Variants in NTM observed in about 807,000 individuals in gnomAD.
NTM encodes IgLON family member 2.
In NTM, 13 loss-of-function variants were observed where a neutral mutation model predicts 42.1. That is an observed-to-expected ratio of 0.31 (90% CI 0.20 to 0.49). The LOEUF (loss-of-function observed/expected upper bound fraction) is 0.49. Ranked by LOEUF, NTM falls within the 20% of genes least tolerant of loss-of-function variation. The pLI is 0.99. For synonymous variants in NTM, 187 were observed against 179.2 expected (o/e 1.04, Z -0.35); for missense variants, 373 against 452.8 (o/e 0.82, Z 1.60).
chr11:131,908,599 G>A (rs1235384959), intron 1 of NTM, among the ~76,000 whole-genome samples: 2 of 152,190 alleles, frequency 1.3e-5, no homozygotes, highest in Non-Finnish European at 2.9e-5. Context: ...TTAAGAAGAG[G>A]GGTTGAGAGG....
intron 1 of NTM, among the ~76,000 whole-genome samples, chr11:131,432,909 C>T (rs1392114703): frequency 7.9e-6 from 1 of 126,724 alleles, no homozygotes; most frequent in Non-Finnish European, 1.6e-5. Flanking sequence ...GGCTGGAGTG[C>T]GGTGGCGCGA....
intron 7 of NTM, among the ~76,000 whole-genome samples, chr11:132,325,180 T>G (rs1435690630): frequency 6.6e-6 from 1 of 151,966 alleles, no homozygotes; most frequent in Non-Finnish European, 1.5e-5. Flanking sequence ...AGGATCTAAT[T>G]AAACTAAAGA....
chr11:132,239,526 A>G (rs1046890754), intron 4 of NTM, among the ~76,000 whole-genome samples: 3 of 152,204 alleles, frequency 2.0e-5, no homozygotes, highest in African/African-American at 7.2e-5. Context: ...CATCTGCCCA[A>G]GCACCACCAT....
Position 131,789,546 on chromosome 11 carries a change from AAAAGAAGAAGAAGAAG to A in NTM, c.83-122015_83-122000del, listed in dbSNP as rs1565551931. Among the ~76,000 whole-genome samples the A allele has an allele frequency of 8.6e-4, 7 of 8,130 alleles. 2 individuals carry two copies. Among genetic ancestry groups the A allele is most frequent in the Admixed American group, 2.1e-3 (1 of 466 alleles). The allele number at this position is 8,130 out of a possible 152,430, so 5.3% of individuals were successfully genotyped here. The stretch of plus-strand genomic sequence containing the variant: ...GAAGAAGAAGAAGAAGAAGAAGAAG[AAAAGAAGAAGAAGAAG>A]AAGAAGAAGAAGAAGAAGAAGAAGA... On this transcript the variant is annotated intron_variant, in intron 1 of 8. Coordinates refer to ENST00000683400, the MANE Select transcript of NTM (RefSeq NM_001352005.2).
intron 2 of NTM, among the ~76,000 whole-genome samples, chr11:132,055,660 A>C (rs1228272955): frequency 7.9e-6 from 1 of 126,556 alleles, no homozygotes; most frequent in African/African-American, 3.1e-5. Context: ...AGAGAGAGAG[A>C]GAGCGAGAGT....
intron 4 of NTM, among the ~76,000 whole-genome samples, chr11:132,234,202 A>G (rs1046227058): frequency 1.3e-5 from 2 of 152,116 alleles, no homozygotes; most frequent in Non-Finnish European, 2.9e-5. Flanking sequence ...GGTTCTATCT[A>G]TGGGGAAGTT....
intron 8 of NTM, 68 bp from the exon 9 acceptor site, chr11:132,334,978 C>A: frequency 6.3e-7 from 1 of 1,577,440 alleles, no homozygotes; most frequent in South Asian, 1.1e-5. Flanking sequence ...GACAGCAGAC[C>A]AGGCAACCAC....
intron 1 of NTM, among the ~76,000 whole-genome samples, chr11:131,522,826 C>T (rs919120511): frequency 3.9e-5 from 6 of 152,218 alleles, no homozygotes; most frequent in African/African-American, 1.4e-4. Flanking sequence ...CAAGCCCCAG[C>T]TGCTGCACGT....
chr11:131,542,701 T>C (rs2053436821), intron 1 of NTM, among the ~76,000 whole-genome samples: 1 of 152,306 alleles, frequency 6.6e-6, no homozygotes, highest in East Asian at 1.9e-4. Context: ...AGAGCCTAAG[T>C]GTCTCCAGGT....
At chr11:132,005,393 G>A (rs2518001) in intron 2 of NTM, among the ~76,000 whole-genome samples, 1 of 152,120 alleles carries the variant, frequency 6.6e-6, no homozygotes, top group Non-Finnish European at 1.5e-5. Context: ...GATGGTAGAC[G>A]ACTTGAAGGC....
chr11:132,318,250 ACTCACTAAGC>A (rs2095481002), intron 7 of NTM, among the ~76,000 whole-genome samples: 1 of 152,124 alleles, frequency 6.6e-6, no homozygotes, highest in African/African-American at 2.4e-5. Context: ...GTCTTGGGTG[ACTCACTAAGC>A]CTCATTTAGA....
At chr11:131,785,200 T>C (rs2088924396) in intron 1 of NTM, among the ~76,000 whole-genome samples, 1 of 152,200 alleles carries the variant, frequency 6.6e-6, no homozygotes, top group Non-Finnish European at 1.5e-5. Flanking sequence ...GCTTCTGGCC[T>C]TGTAACATAT....
In NTM at chr11:132,007,349, G is replaced by A. The variant is rs1046559423; in HGVS notation, c.167+95701G>A. Among the ~76,000 whole-genome samples the A allele has an allele frequency of 6.6e-5, 10 of 152,234 alleles. No individual in the cohort carries two copies. The East Asian group carries it at 1.2e-3, about 18-fold the overall frequency. ...TCATTCATCCCAGGATCACTTAAGA[G>A]CACAAATAAGACCGCCAGCTGATGC... On this transcript the variant is annotated intron_variant, in intron 2 of 8. Coordinates refer to ENST00000683400, the MANE Select transcript of NTM (RefSeq NM_001352005.2).
chr11:131,688,508 A>G (rs996808813), intron 1 of NTM, among the ~76,000 whole-genome samples: 48 of 152,242 alleles, frequency 3.2e-4, no homozygotes, highest in African/African-American at 9.9e-4. Flanking sequence ...AGGCGTTAAG[A>G]GTCGCGGCTC....
chr11:131,537,531 A>C (rs2052469180), intron 1 of NTM: 1 of 152,216 alleles, frequency 6.6e-6, no homozygotes, highest in Non-Finnish European at 1.5e-5. Flanking sequence ...AAAGGCTCTT[A>C]TTACTTAAGG....
At chr11:131,497,535 G>T (rs1340868040) in intron 1 of NTM, among the ~76,000 whole-genome samples, 1 of 152,148 alleles carries the variant, frequency 6.6e-6, no homozygotes, top group Non-Finnish European at 1.5e-5. Flanking sequence ...TACATGATGT[G>T]TGGTGCCCAT....
At chr11:132,266,163 G>T (rs1362633053) in intron 4 of NTM, among the ~76,000 whole-genome samples, 1 of 152,118 alleles carries the variant, frequency 6.6e-6, no homozygotes, top group Non-Finnish European at 1.5e-5. Flanking sequence ...AGAAACAACT[G>T]CACTTCAGGA....
intron 1 of NTM, among the ~76,000 whole-genome samples, chr11:131,759,234 A>G (rs2135782400): frequency 6.6e-6 from 1 of 152,318 alleles, no homozygotes; most frequent in South Asian, 2.1e-4. Flanking sequence ...TACTGTTCAC[A>G]GGCATATTTA....
chr11:131,921,482 A>G (rs2057218919), intron 2 of NTM, among the ~76,000 whole-genome samples: 1 of 152,212 alleles, frequency 6.6e-6, no homozygotes, highest in African/African-American at 2.4e-5. Flanking sequence ...GGTGATCTCC[A>G]TGATTTCAGA....
Sources: allele counts gnomAD v4.1 joint callset (sites outside exome capture counted in the v4.1 genomes callset), GRCh38; gene constraint gnomAD v4.1.1; transcripts MANE v1.5; gene names NCBI Gene and HGNC (gene_info 2026-07-23, HGNC 2026-07-21).